The following MEGF11 variants were observed in gnomAD, a reference collection of about 807,000 sequenced individuals.
The protein encoded by MEGF11 is multiple epidermal growth factor-like domains protein 11.
Under a neutral mutation model 146.6 loss-of-function variants are expected in MEGF11, and 126 were observed. The ratio of observed to expected loss-of-function variants is 0.86; its 90% CI spans 0.74 to 1.00. The LOEUF (loss-of-function observed/expected upper bound fraction) is 1.00, where lower values mean the gene tolerates loss of function less well. Ranked by LOEUF, MEGF11 falls within the 50% of genes least tolerant of loss-of-function variation. MEGF11 has a pLI of 0.00. For synonymous variants in MEGF11, 532 were observed against 583.4 expected, an observed-to-expected ratio of 0.91 and a Z score of 1.27; for missense variants, 1,509 against 1,521.2, an observed-to-expected ratio of 0.99 and a Z score of 0.13.
chr15:66,049,611 T>G (rs1458249864), intron 5 of MEGF11, among the ~76,000 whole-genome samples: 3 of 152,166 alleles, frequency 2.0e-5, no homozygotes, highest in African/African-American at 7.2e-5. Context: ...GTTAACGGGT[T>G]TGCTGGCTTT....
At chr15:66,212,078 C>A (rs534914171) in intron 1 of MEGF11, among the ~76,000 whole-genome samples, 2 of 152,258 alleles carry the variant, frequency 1.3e-5, no homozygotes, top group South Asian at 2.1e-4. Context: ...CCCAACCTCC[C>A]TCTCCTCCCG....
At chr15:65,970,904 T>C (rs2081280179) in intron 7 of MEGF11, 3 of 589,810 alleles carry the variant, frequency 5.1e-6, no homozygotes, top group Non-Finnish European at 9.1e-6. Context: ...ATTTAGGAAC[T>C]GCCTATTGTA....
At chr15:66,195,776 G>T (rs2090992755) in intron 1 of MEGF11, among the ~76,000 whole-genome samples, 1 of 152,200 alleles carries the variant, frequency 6.6e-6, no homozygotes, top group South Asian at 2.1e-4. Flanking sequence ...TCTCACCTGT[G>T]TCAGAAAAGC....
At chr15:66,008,238 A>G (rs2140093929) in intron 5 of MEGF11, among the ~76,000 whole-genome samples, 1 of 152,322 alleles carries the variant, frequency 6.6e-6, no homozygotes, top group East Asian at 1.9e-4. Flanking sequence ...GAGATGTTGT[A>G]GTTGAAGCAG....
intron 10 of MEGF11, among the ~76,000 whole-genome samples, chr15:65,938,624 C>CT (rs2079871555): frequency 1.3e-5 from 2 of 152,308 alleles, no homozygotes; most frequent in South Asian, 2.1e-4. Flanking sequence ...TGTTCAGCAT[C>CT]TTTTTTCTGT....
intron 3 of MEGF11, among the ~76,000 whole-genome samples, chr15:66,122,092 A>G (rs1184109017): frequency 6.6e-6 from 1 of 152,060 alleles, no homozygotes; most frequent in Admixed American, 6.6e-5. Flanking sequence ...GCGAAACCCC[A>G]TCTCTACTAA....
intron 5 of MEGF11, among the ~76,000 whole-genome samples, chr15:66,030,219 G>A (rs1333363854): frequency 6.6e-6 from 1 of 152,152 alleles, no homozygotes; most frequent in African/African-American, 2.4e-5. Flanking sequence ...CAAAATGGCA[G>A]GTATTCACAT....
At chr15:66,049,771 A>C (rs559093830) in intron 5 of MEGF11, among the ~76,000 whole-genome samples, 1 of 152,208 alleles carries the variant, frequency 6.6e-6, no homozygotes, top group Non-Finnish European at 1.5e-5. Flanking sequence ...TCACTCCCTC[A>C]GGATCTAAGC....
chr15:66,041,006 T>A (rs541525659), intron 5 of MEGF11, among the ~76,000 whole-genome samples: 2 of 151,938 alleles, frequency 1.3e-5, no homozygotes, highest in South Asian at 2.1e-4. Context: ...CCTGGCTATA[T>A]CTCTCTCAGT....
chr15:66,229,346 C>T (rs971194265), intron 1 of MEGF11, among the ~76,000 whole-genome samples: 13 of 152,102 alleles, frequency 8.5e-5, no homozygotes, highest in South Asian at 6.2e-4. Context: ...TGGGCCATGG[C>T]GACCTGGATA....
At position 65,922,363 on chromosome 15, in the gene MEGF11, T is replaced by C. The variant is rs2079200823; in HGVS notation, c.1932A>G (p.Gly644=). 1.2e-6 allele frequency: 2 copies of C among 1,606,030 alleles called. No homozygotes were observed. The highest frequency in any genetic ancestry group is 4.5e-5 in the East Asian group (2 of 44,590). ...HISGICECLP[G]FSGALCNQVC... ...CTTGGTTGCAGAGAGCTCCAGAGAA[T>C]CCTGGGAGGCACTCACAGATGCCGC... Residue 644 remains glycine (G), a synonymous_variant, in exon 15 of 26, where the codon GGA becomes GGG. Coordinates refer to ENST00000395614, the MANE Select transcript of MEGF11 (RefSeq NM_001385028.1).
intron 4 of MEGF11, among the ~76,000 whole-genome samples, chr15:66,098,227 GGT>G (rs1431912976): frequency 6.6e-6 from 1 of 152,158 alleles, no homozygotes; most frequent in Non-Finnish European, 1.5e-5. Flanking sequence ...ACCAAGCAAA[GGT>G]GTGTGTGCGT....
At chr15:66,011,619 C>T (rs2082713354) in intron 5 of MEGF11, among the ~76,000 whole-genome samples, 1 of 152,006 alleles carries the variant, frequency 6.6e-6, no homozygotes, top group Non-Finnish European at 1.5e-5. Context: ...GAAGTGGATC[C>T]TAATAGCACC....
At chr15:66,041,671 G>A (rs2083985114) in intron 5 of MEGF11, among the ~76,000 whole-genome samples, 4 of 152,196 alleles carry the variant, frequency 2.6e-5, no homozygotes, top group South Asian at 2.1e-4. Flanking sequence ...GAATCGTTGC[G>A]ACAGAAACCT....
intron 5 of MEGF11, among the ~76,000 whole-genome samples, chr15:66,075,130 C>T (rs894364196): frequency 6.6e-6 from 1 of 152,168 alleles, no homozygotes; most frequent in Non-Finnish European, 1.5e-5. Context: ...CCTTTGCTAG[C>T]TCTGACATCC....
intron 1 of MEGF11, among the ~76,000 whole-genome samples, chr15:66,185,978 G>A (rs1206179195): frequency 6.6e-6 from 1 of 152,162 alleles, no homozygotes; most frequent in African/African-American, 2.4e-5. Context: ...TCATTTCCCT[G>A]CCTGAATCCT....
At chr15:65,933,292 C>G (rs929012966) in intron 10 of MEGF11, among the ~76,000 whole-genome samples, 21 of 152,350 alleles carry the variant, frequency 1.4e-4, no homozygotes, top group African/African-American at 5.0e-4. Context: ...CTCTGAGGGC[C>G]TTGGACTGGG....
intron 4 of MEGF11, among the ~76,000 whole-genome samples, chr15:66,112,818 A>G (rs1483749351): frequency 1.3e-5 from 2 of 152,224 alleles, no homozygotes; most frequent in Non-Finnish European, 2.9e-5. Flanking sequence ...CAGCTTAACT[A>G]TCATTCAAGA....
chr15:65,927,687 T>C (rs1480746911), intron 13 of MEGF11, among the ~76,000 whole-genome samples: 1 of 152,110 alleles, frequency 6.6e-6, no homozygotes. Context: ...GCAGAGGGAA[T>C]GGCATGTGCA....
Sources: gnomAD v4.1 joint callset for allele counts (sites outside exome capture counted in the v4.1 genomes callset) on GRCh38, gnomAD v4.1.1 for gene constraint, MANE v1.5 for transcripts, NCBI Gene and HGNC (gene_info 2026-07-23, HGNC 2026-07-21) for gene names.